RBM33: variants seen among roughly 807,000 people sequenced by gnomAD.
The protein encoded by RBM33 is RNA-binding protein 33.
RBM33 carries 28 observed loss-of-function variants against 132.6 expected under a neutral mutation model. That is an observed-to-expected ratio of 0.21 (90% confidence interval 0.16 to 0.29). RBM33 has a LOEUF of 0.29. Among genes scored for constraint, RBM33 ranks in the 10% least tolerant of loss-of-function variants. The pLI is 1.00. For missense variants in RBM33, 1,291 were observed against 1,518.5 expected, an observed-to-expected ratio of 0.85 and a Z score of 2.49; for synonymous variants, 634 against 593.0, an observed-to-expected ratio of 1.07 and a Z score of -1.01.
At chr7:155,654,064 C>T (rs1798427677) in intron 1 of RBM33, among the ~76,000 whole-genome samples, 1 of 152,176 alleles carries the variant, frequency 6.6e-6, no homozygotes, top group South Asian at 2.1e-4. Context: ...CAAAAGATGG[C>T]TGAGTGAAGT....
At chr7:155,763,521 G>A (rs1474192617) in intron 14 of RBM33, among the ~76,000 whole-genome samples, 1 of 152,214 alleles carries the variant, frequency 6.6e-6, no homozygotes, top group African/African-American at 2.4e-5. Context: ...AAAATAACCA[G>A]TATTTCACGG....
chr7:155,731,538 T>A (rs1326043347), intron 9 of RBM33, among the ~76,000 whole-genome samples: 1 of 152,150 alleles, frequency 6.6e-6, no homozygotes, highest in African/African-American at 2.4e-5. Flanking sequence ...GTTGACCAAG[T>A]GACTAATGGG....
chr7:155,647,320 G>T (rs1798227264), intron 1 of RBM33, among the ~76,000 whole-genome samples: 2 of 152,138 alleles, frequency 1.3e-5, no homozygotes, highest in South Asian at 4.1e-4. Flanking sequence ...AAAATCACTG[G>T]TCTCTTGTAT....
At chr7:155,716,316 G>GTTTTTTTTTTT (rs59289310) in intron 8 of RBM33, among the ~76,000 whole-genome samples, 1,791 of 102,214 alleles carry the variant, frequency 0.018, 155 homozygotes, top group African/African-American at 0.064. Flanking sequence ...CTTTTCTGCT[G>GTTTTTTTTTTT]TTTTTTTTTT....
intron 5 of RBM33, among the ~76,000 whole-genome samples, chr7:155,692,276 T>C (rs1799665707): frequency 6.6e-6 from 1 of 152,152 alleles, no homozygotes; most frequent in Admixed American, 6.5e-5. Flanking sequence ...TCAGATGTAG[T>C]CTGATTCACT....
chr7:155,645,067 C>G (rs1037509319), intron 1 of RBM33, 148 bp downstream of exon 1: 3 of 546,268 alleles, frequency 5.5e-6, no homozygotes, highest in Non-Finnish European at 6.3e-6. Context: ...TCTCCCTCGC[C>G]TTCCCTCGCT....
chr7:155,727,463 T>G (rs1327447508), intron 9 of RBM33, among the ~76,000 whole-genome samples: 1 of 152,194 alleles, frequency 6.6e-6, no homozygotes, highest in South Asian at 2.1e-4. Context: ...CTGACATGTT[T>G]GTCAGAATTT....
intron 9 of RBM33, among the ~76,000 whole-genome samples, chr7:155,722,603 T>C (rs979520914): frequency 3.9e-5 from 6 of 152,218 alleles, no homozygotes; most frequent in Non-Finnish European, 8.8e-5. Context: ...TTTCTAGTCA[T>C]GTATTTGTCC....
chr7:155,711,145 CTTTTG>C lies in RBM33; in HGVS notation c.949-53_949-49del, dbSNP rs770071303. ...TCTTTTAAATGTTGATTTCGGTGAACTTTTGTTTTTTTTTTTGTGATTTGTAGACT... is the reference window on the plus strand; with the variant it reads ...TCTTTTAAATGTTGATTTCGGTGAACTTTTTTTTTTTGTGATTTGTAGACT... On this transcript the variant is annotated intron_variant, in intron 7 of 17. Transcript: ENST00000401878. The C allele has an allele frequency of 1.3e-5, 18 of 1,440,002 alleles. No individual in the cohort carries two copies. In the South Asian group the frequency reaches 2.3e-4, roughly 18 times the overall value. 89.2% of individuals were successfully genotyped at this position (1,440,002 alleles called of 1,614,324 possible).
chr7:155,704,490 G>T (rs1800058281), intron 6 of RBM33, among the ~76,000 whole-genome samples: 1 of 152,204 alleles, frequency 6.6e-6, no homozygotes, highest in South Asian at 2.1e-4. Flanking sequence ...ATGGTTCACT[G>T]TGAAAATGCC....
At chr7:155,756,155 C>T (rs548923359) in intron 14 of RBM33, among the ~76,000 whole-genome samples, 1 of 152,274 alleles carries the variant, frequency 6.6e-6, no homozygotes, top group Admixed American at 6.5e-5. Context: ...GTCTGTCACC[C>T]ACATACAACA....
chr7:155,704,629 GAA>G (rs1310289068), intron 6 of RBM33, among the ~76,000 whole-genome samples: 2 of 152,278 alleles, frequency 1.3e-5, no homozygotes, highest in East Asian at 1.9e-4. Flanking sequence ...AGCCATAAAT[GAA>G]AGACTGCATT....
chr7:155,717,217 A>T (rs1800487439), intron 8 of RBM33, among the ~76,000 whole-genome samples: 1 of 152,192 alleles, frequency 6.6e-6, no homozygotes, highest in African/African-American at 2.4e-5. Context: ...AGGGTGAGTT[A>T]AACAACAGAA....
chr7:155,705,203 C>T (rs184242083), intron 6 of RBM33, among the ~76,000 whole-genome samples: 2 of 152,294 alleles, frequency 1.3e-5, no homozygotes, highest in Non-Finnish European at 2.9e-5. Context: ...AATGTAATTT[C>T]CATCCTGTCA....
chr7:155,650,990 G>A (rs1798339573), intron 1 of RBM33, among the ~76,000 whole-genome samples: 1 of 152,136 alleles, frequency 6.6e-6, no homozygotes, highest in African/African-American at 2.4e-5. Flanking sequence ...CGATTCTTCA[G>A]CCTCAGCCTC....
chr7:155,753,138 AAGT>A (rs1323615579), intron 14 of RBM33, among the ~76,000 whole-genome samples: 1 of 152,222 alleles, frequency 6.6e-6, no homozygotes, highest in Non-Finnish European at 1.5e-5. Context: ...CTGATGATAA[AAGT>A]AGTAGTTGTT....
At chr7:155,760,432 A>G (rs573691186) in intron 14 of RBM33, among the ~76,000 whole-genome samples, 5 of 152,300 alleles carry the variant, frequency 3.3e-5, no homozygotes, top group African/African-American at 1.2e-4. Flanking sequence ...TGTGTGGAGA[A>G]CTGAGTGGTC....
Position 155,738,055 on chromosome 7 carries a change from T to C in RBM33, c.1394-5T>C, listed in dbSNP as rs753590094. ...TGAAGTTAATGATGTTGTGTTACCT[T>C]TCAGTTTCAGGTGAACCAAGATTCC... On this transcript the variant is annotated splice_polypyrimidine_tract_variant and splice_region_variant and intron_variant, in intron 10 of 17. Coordinates refer to ENST00000401878, the MANE Select transcript of RBM33 (RefSeq NM_053043.3). 6.2e-6 allele frequency: 10 copies of C among 1,610,170 alleles called. No individual in the cohort carries two copies. Among genetic ancestry groups the C allele is most frequent in the Admixed American group, 1.7e-5 (1 of 59,874 alleles).
intron 5 of RBM33, among the ~76,000 whole-genome samples, chr7:155,692,619 T>A (rs1799678010): frequency 6.6e-6 from 1 of 152,224 alleles, no homozygotes; most frequent in African/African-American, 2.4e-5. Context: ...AGAATGCTAC[T>A]GCTAGTGATA....
Sources: gnomAD v4.1 joint callset for allele counts (sites outside exome capture counted in the v4.1 genomes callset) on GRCh38, gnomAD v4.1.1 for gene constraint, MANE v1.5 for transcripts, NCBI Gene and HGNC (gene_info 2026-07-23, HGNC 2026-07-21) for gene names.